SLC35F6: variants seen among roughly 807,000 people sequenced by gnomAD.
The protein encoded by SLC35F6 is solute carrier family 35 member F6, also known as ANT2-binding protein.
SLC35F6 carries 26 observed loss-of-function variants against 29.4 expected under a neutral mutation model. That is an observed-to-expected ratio of 0.89 (90% confidence interval 0.65 to 1.23). SLC35F6 has a LOEUF of 1.23. Among genes scored for constraint, SLC35F6 ranks in the 50% most tolerant of loss-of-function variants. The probability of loss-of-function intolerance (pLI) is 0.00; values close to 1 mark genes in which losing one functional copy is unlikely to be tolerated. For missense variants in SLC35F6, 428 were observed against 487.8 expected (o/e 0.88, Z 1.15); for synonymous variants, 174 against 206.6 (o/e 0.84, Z 1.35).
rs1572634089 is a variant in SLC35F6, at chr2:26,775,264, A to G, written c.322+49A>G. ...AAGGGCTCAGGGGAAGCTGTGGCTG[A>G]AGGGGCTACTGGTGAAACAGCCCTA... On this transcript the variant is annotated intron_variant, in intron 3 of 5. Transcript: ENST00000344420. The surrounding 1 kb of genome is among the most constrained non-coding windows in gnomAD (Gnocchi z 4.6). 6.3e-7 allele frequency: 1 copy of G among 1,585,126 alleles called. No homozygotes were observed.
At chr2:26,770,073 G>A (rs1349344529) in intron 1 of SLC35F6, among the ~76,000 whole-genome samples, 2 of 152,114 alleles carry the variant, frequency 1.3e-5, no homozygotes, top group South Asian at 2.1e-4. Context: ...AAGGCTTAAC[G>A]GGACAGTCCC....
Position 26,778,387 on chromosome 2 carries a change from C to G in SLC35F6, c.992C>G (p.Ala331Gly). 2 of 1,614,138 alleles carry G rather than the reference C, an allele frequency of 1.2e-6. No homozygotes were observed. Among genetic ancestry groups the G allele is most frequent in the South Asian group, 2.2e-5 (2 of 91,084 alleles). ...LGFLILLIGT[A>G]LYNGLHRPLL... ...TTCCTCATACTCCTTATAGGCACTG[C>G]CCTCTACAATGGGCTACACCGTCCG... The change falls in exon 6 of 6, where the codon GCC becomes GGC. Residue 331 changes from alanine (A) to glycine (G), a missense_variant. Physicochemically the swap from Ala to Gly is moderately conservative, Grantham distance 60 (BLOSUM62 0). Coordinates refer to ENST00000344420, the MANE Select transcript of SLC35F6 (RefSeq NM_017877.4).
chr2:26,776,356 C>T lies in SLC35F6; in HGVS notation c.536-16C>T. On this transcript the variant is annotated splice_polypyrimidine_tract_variant and intron_variant, in intron 4 of 5. Coordinates refer to ENST00000344420, the MANE Select transcript of SLC35F6 (RefSeq NM_017877.4). Reference sequence around the variant, plus strand: ...AGTGCAGCCCTGTTCTCATCTGGGTCCCTCCTTCCCCACAGGGGACCTGTT... The same window carrying T: ...AGTGCAGCCCTGTTCTCATCTGGGTTCCTCCTTCCCCACAGGGGACCTGTT... The T allele has an allele frequency of 6.2e-7, 1 of 1,612,874 alleles. No individual in the cohort carries two copies. The highest frequency in any genetic ancestry group is 8.5e-7 in the Non-Finnish European group (1 of 1,178,888).
chr2:26,768,380 T>G (rs1371661567), intron 1 of SLC35F6, among the ~76,000 whole-genome samples: 1 of 135,792 alleles, frequency 7.4e-6, no homozygotes, highest in Non-Finnish European at 1.6e-5. Context: ...TTTTTTTTTT[T>G]GAGACGGAGT....
chr2:26,773,600 A>G (rs980476160), intron 1 of SLC35F6, among the ~76,000 whole-genome samples: 1 of 150,808 alleles, frequency 6.6e-6, no homozygotes, highest in Admixed American at 6.6e-5. Flanking sequence ...GATATAGAAT[A>G]TATATAGATA....
chr2:26,777,743 A>AGTGC lies in SLC35F6; in HGVS notation c.647-296_647-295insCGTG, dbSNP rs71401511. 1.0e-4 allele frequency among the ~76,000 whole-genome samples: 15 copies of AGTGC among 150,348 alleles called. No individual in the cohort carries two copies. The East Asian group carries it at 2.7e-3, about 27-fold the overall frequency. Reference sequence around the variant, plus strand: ...ATACTGTAAGGGTAATGTTTTTATGAGTGTGTGTGTGTGTGTGTGTCCATG... The same window carrying AGTGC: ...ATACTGTAAGGGTAATGTTTTTATGAGTGCGTGTGTGTGTGTGTGTGTGTCCATG... On this transcript the variant is annotated intron_variant, in intron 5 of 5. Transcript: ENST00000344420.
At position 26,780,300 on chromosome 2, in the gene SLC35F6, C is replaced by T. The variant is rs181930608; in HGVS notation, c.*1789C>T. The T allele has an allele frequency of 1.7e-4, 26 of 152,196 alleles. No homozygotes were observed. Among genetic ancestry groups the T allele is most frequent in the African/African-American group, 6.3e-4 (26 of 41,520 alleles). 9.4% of individuals were successfully genotyped at this position (152,196 alleles called of 1,614,324 possible). A position where few individuals can be genotyped will look rare whatever the true frequency, so the allele number is the denominator to read the frequency against. On this transcript the variant is annotated 3_prime_UTR_variant, in exon 6 of 6. Coordinates refer to ENST00000344420, the MANE Select transcript of SLC35F6 (RefSeq NM_017877.4). ...TGTTTGGCAAATGGAGTCTCCTACCCTCAGCTCCTGCAAGGACCTGGGGGA... is the reference window on the plus strand; with the variant it reads ...TGTTTGGCAAATGGAGTCTCCTACCTTCAGCTCCTGCAAGGACCTGGGGGA...
chr2:26,778,651 C>A lies in SLC35F6; in HGVS notation c.*140C>A. ...TGCAGAACCCCCAGGGCAGCTGCTG[C>A]CACAGAAGATAACAACACCCAAGTC... On this transcript the variant is annotated 3_prime_UTR_variant, in exon 6 of 6. Coordinates refer to ENST00000344420, the MANE Select transcript of SLC35F6 (RefSeq NM_017877.4). 1 of 797,488 alleles carries A rather than the reference C, an allele frequency of 1.3e-6. No homozygotes were observed. Among genetic ancestry groups the A allele is most frequent in the Non-Finnish European group, 1.9e-6 (1 of 519,656 alleles). The allele number at this position is 797,488 out of a possible 1,614,324, so 49.4% of individuals were successfully genotyped here. A position where few individuals can be genotyped will look rare whatever the true frequency, so the allele number is the denominator to read the frequency against.
chr2:26,764,865 C>A, intron 1 of SLC35F6: 2 of 985,276 alleles, frequency 2.0e-6, no homozygotes, highest in South Asian at 4.7e-5. Context: ...GCCCCACGGC[C>A]CCTCAAGGAT....
At chr2:26,774,928 A>G in intron 2 of SLC35F6, 116 bp from the exon 3 acceptor site, 1 of 1,228,186 alleles carries the variant, frequency 8.1e-7, no homozygotes. Context: ...TCTATTTTAC[A>G]TATTGGGGTT....
rs570998561 is a variant in SLC35F6, at chr2:26,775,335, C to T, written c.322+120C>T. ...TCCCACCATTCCCCCAGACTTCACA[C>T]GCACAGGCACACAGGCAGGACTGAT... On this transcript the variant is annotated intron_variant, in intron 3 of 5. Coordinates refer to ENST00000344420, the MANE Select transcript of SLC35F6 (RefSeq NM_017877.4). The surrounding 1 kb of genome is among the most constrained non-coding windows in gnomAD (Gnocchi z 4.6). 4.4e-5 allele frequency: 67 copies of T among 1,517,090 alleles called. No individual in the cohort carries two copies. Among genetic ancestry groups the T allele is most frequent in the African/African-American group, 3.2e-4 (23 of 72,514 alleles). The allele number at this position is 1,517,090 out of a possible 1,614,324, so 94.0% of individuals were successfully genotyped here. A position where few individuals can be genotyped will look rare whatever the true frequency, so the allele number is the denominator to read the frequency against.
Position 26,778,621 on chromosome 2 carries a change from C to T in SLC35F6, c.*110C>T, listed in dbSNP as rs983738990. ...TATCCCCAAGGCCTCACCCTGTCCC[C>T]TCCCTGCAGAACCCCCAGGGCAGCT... On this transcript the variant is annotated 3_prime_UTR_variant, in exon 6 of 6. Coordinates refer to ENST00000344420, the MANE Select transcript of SLC35F6 (RefSeq NM_017877.4). The T allele has an allele frequency of 9.3e-7, 1 of 1,079,434 alleles. No homozygotes were observed. The highest frequency in any genetic ancestry group is 1.3e-6 in the Non-Finnish European group (1 of 774,230). The allele number at this position is 1,079,434 out of a possible 1,614,324, so 66.9% of individuals were successfully genotyped here. A position where few individuals can be genotyped will look rare whatever the true frequency, so the allele number is the denominator to read the frequency against.
At chr2:26,770,041 C>G (rs1664165608) in intron 1 of SLC35F6, among the ~76,000 whole-genome samples, 1 of 152,148 alleles carries the variant, frequency 6.6e-6, no homozygotes, top group Non-Finnish European at 1.5e-5. Flanking sequence ...GAGTCCCCAT[C>G]TAAAATGAGG....
At chr2:26,768,146 A>G (rs1474292845) in intron 1 of SLC35F6, among the ~76,000 whole-genome samples, 1 of 152,172 alleles carries the variant, frequency 6.6e-6, no homozygotes, top group Admixed American at 6.5e-5. Context: ...ATGAACTGGC[A>G]TGGGATAATT....
intron 1 of SLC35F6, among the ~76,000 whole-genome samples, chr2:26,768,566 G>A (rs1664136136): frequency 6.6e-6 from 1 of 151,300 alleles, no homozygotes; most frequent in African/African-American, 2.4e-5. Flanking sequence ...GGGTTTCATT[G>A]TGTTAGCCAG....
intron 1 of SLC35F6, among the ~76,000 whole-genome samples, chr2:26,766,129 C>T (rs1411167718): frequency 6.6e-6 from 1 of 152,168 alleles, no homozygotes; most frequent in Non-Finnish European, 1.5e-5. Flanking sequence ...ACTTTTGGTC[C>T]TGTCCCCTGC....
In SLC35F6 at chr2:26,778,085, G is replaced by A; in HGVS notation, c.690G>A (p.Met230Ile). ...FVILSLLLVP[M>I]YYIPAGSFSG... is the part of the protein sequence containing the mutation. The stretch of plus-strand genomic sequence containing the variant: ...TCCTCTCCCTGCTGCTGGTGCCCAT[G>A]TACTACATCCCCGCCGGCTCCTTCA... Residue 230 changes from methionine (M) to isoleucine (I), a missense_variant, in exon 6 of 6, where the codon ATG (methionine) becomes ATA (isoleucine). Physicochemically the swap from Met to Ile is conservative, Grantham distance 10. Transcript: ENST00000344420. 6.2e-7 allele frequency: 1 copy of A among 1,613,988 alleles called. No homozygotes were observed. The highest frequency in any genetic ancestry group is 8.5e-7 in the Non-Finnish European group (1 of 1,179,870).
Position 26,775,605 on chromosome 2 carries a change from T to C in SLC35F6, c.464T>C (p.Leu155Pro). Reference sequence around the variant, plus strand: ...GGCATCCTAGCCACCATCGCGGGGCTGGTGGTCGTGGGCCTGGCTGACCTC... The same window carrying C: ...GGCATCCTAGCCACCATCGCGGGGCCGGTGGTCGTGGGCCTGGCTGACCTC... ...WLGILATIAG[L>P]VVVGLADLLS... Residue 155 changes from leucine to proline, a missense_variant, in exon 4 of 6, where the codon CTG becomes CCG. Physicochemically the swap from Leu to Pro is moderately conservative, Grantham distance 98. Transcript: ENST00000344420. The surrounding 1 kb of genome is among the most constrained non-coding windows in gnomAD (Gnocchi z 4.6). 6.2e-7 allele frequency: 1 copy of C among 1,606,370 alleles called. No individual in the cohort carries two copies. The highest frequency in any genetic ancestry group is 8.5e-7 in the Non-Finnish European group (1 of 1,178,724).
In SLC35F6 at chr2:26,780,876, T is replaced by C. The variant is rs967652616; in HGVS notation, c.*2365T>C. 1.3e-5 allele frequency: 2 copies of C among 152,238 alleles called. No individual in the cohort carries two copies. The highest frequency in any genetic ancestry group is 2.9e-5 in the Non-Finnish European group (2 of 68,110). The allele number at this position is 152,238 out of a possible 1,614,324, so 9.4% of individuals were successfully genotyped here. A position where few individuals can be genotyped will look rare whatever the true frequency, so the allele number is the denominator to read the frequency against. On this transcript the variant is annotated 3_prime_UTR_variant, in exon 6 of 6. Transcript: ENST00000344420. ...ACCGAATGCCTGCCTCAAAATAGCC[T>C]CTGAGGGAAGGGAGCTGTTGACAAG...
Sources: allele counts gnomAD v4.1 joint callset (sites outside exome capture counted in the v4.1 genomes callset), GRCh38; gene constraint gnomAD v4.1.1; non-coding constraint Gnocchi (gnomAD v3.1); transcripts MANE v1.5; gene names NCBI Gene and HGNC (gene_info 2026-07-23, HGNC 2026-07-21).